The following MEIS2 variants were observed in gnomAD, a reference collection of about 807,000 sequenced individuals.
The protein encoded by MEIS2 is Meis homeobox 2, also known as homeobox protein Meis2.
In MEIS2, 9 loss-of-function variants were observed where a neutral mutation model predicts 58.6. That is an observed-to-expected ratio of 0.15 (90% CI 0.09 to 0.27). The LOEUF (loss-of-function observed/expected upper bound fraction) is 0.27, where lower values mean the gene tolerates loss of function less well. Ranked by LOEUF, MEIS2 falls within the 10% of genes least tolerant of loss-of-function variation. MEIS2 has a pLI of 1.00. For missense variants in MEIS2, 427 were observed against 635.0 expected, an observed-to-expected ratio of 0.67 and a Z score of 3.52; for synonymous variants, 221 against 228.4, an observed-to-expected ratio of 0.97 and a Z score of 0.29.
At chr15:37,037,405 G>A (rs936629444) in intron 7 of MEIS2, among the ~76,000 whole-genome samples, 1 of 152,048 alleles carries the variant, frequency 6.6e-6, no homozygotes, top group Non-Finnish European at 1.5e-5. Context: ...TGCACATAAC[G>A]CACTGCCTGC....
intron 7 of MEIS2, among the ~76,000 whole-genome samples, chr15:37,056,848 CCG>C (rs1888496262): frequency 6.6e-6 from 1 of 152,226 alleles, no homozygotes; most frequent in South Asian, 2.1e-4. Context: ...CGAACCGCTC[CCG>C]CGGCAGCTTC....
rs557227751 is a variant in MEIS2, at chr15:36,900,177, A to C, written c.978-3491T>G. Among the ~76,000 whole-genome samples the C allele has an allele frequency of 2.0e-5, 3 of 152,244 alleles. No homozygotes were observed. In the East Asian group the frequency reaches 5.8e-4, roughly 29 times the overall value. The stretch of plus-strand genomic sequence containing the variant: ...TCTTCTTCAATATTAAACAGTTCTT[A>C]AAAAACATTCTGAGTTTTTTTACAA... On this transcript the variant is annotated intron_variant, in intron 9 of 11. Transcript: ENST00000561208.
At chr15:36,930,297 G>A (rs2057924596) in intron 9 of MEIS2, among the ~76,000 whole-genome samples, 1 of 151,182 alleles carries the variant, frequency 6.6e-6, no homozygotes. Flanking sequence ...CACAAGGAAT[G>A]GTTATATAAA....
chr15:37,069,218 ACAT>A lies in MEIS2; in HGVS notation c.754+14550_754+14552del, dbSNP rs373953386. On this transcript the variant is annotated intron_variant, in intron 7 of 11. Coordinates refer to ENST00000561208, the MANE Select transcript of MEIS2 (RefSeq NM_170675.5). ...GGATATGTAGTGCATGTGTGTAGAA[ACAT>A]CAGTCTGGTTGGATAAAGAAGAGAA... Among the ~76,000 whole-genome samples the A allele has an allele frequency of 1.6e-4, 25 of 152,264 alleles. No homozygotes were observed. The South Asian group carries it at 5.2e-3, about 32-fold the overall frequency.
intron 9 of MEIS2, among the ~76,000 whole-genome samples, chr15:36,919,331 C>A (rs961448425): frequency 6.6e-6 from 1 of 152,142 alleles, no homozygotes; most frequent in Non-Finnish European, 1.5e-5. Flanking sequence ...GTAACCCCAG[C>A]ACTTTGGGAG....
chr15:37,007,007 C>T lies in MEIS2; in HGVS notation c.900+29807G>A, dbSNP rs565386839. Among the ~76,000 whole-genome samples the T allele has an allele frequency of 3.3e-5, 5 of 152,224 alleles. No individual in the cohort carries two copies. The South Asian group carries it at 1.0e-3, about 32-fold the overall frequency. The stretch of plus-strand genomic sequence containing the variant: ...CTTTTACTAGCTGAGTAAGTCTAGA[C>T]GAATATATTTAATCTCTCTGGGCAT... On this transcript the variant is annotated intron_variant, in intron 8 of 11. Transcript: ENST00000561208.
chr15:37,021,742 T>C (rs1402965622), intron 8 of MEIS2, among the ~76,000 whole-genome samples: 4 of 152,176 alleles, frequency 2.6e-5, no homozygotes, highest in Admixed American at 1.3e-4. Context: ...GTATTATCAA[T>C]GCAATACACA....
At chr15:37,029,545 T>C (rs528685892) in intron 8 of MEIS2, among the ~76,000 whole-genome samples, 2 of 152,164 alleles carry the variant, frequency 1.3e-5, no homozygotes, top group South Asian at 4.1e-4. Context: ...TTTGTGGAAA[T>C]GGACAAGTGG....
intron 7 of MEIS2, among the ~76,000 whole-genome samples, chr15:37,078,614 A>G (rs1891764951): frequency 6.7e-6 from 1 of 148,510 alleles, no homozygotes; most frequent in African/African-American, 2.4e-5. Flanking sequence ...CCAAAAAAAA[A>G]AAAAAAAAAA....
chr15:37,016,341 T>A (rs574265367), intron 8 of MEIS2, among the ~76,000 whole-genome samples: 287 of 152,242 alleles, frequency 1.9e-3, no homozygotes, highest in African/African-American at 6.6e-3. Context: ...GTGTTTTTTT[T>A]TTTTAACTCT....
intron 7 of MEIS2, among the ~76,000 whole-genome samples, chr15:37,067,561 T>C (rs566192252): frequency 6.6e-6 from 1 of 150,606 alleles, no homozygotes; most frequent in Non-Finnish European, 1.5e-5. Context: ...GCTCACTTTC[T>C]TCTGGTCTTT....
chr15:36,981,401 T>G (rs2059924212), intron 8 of MEIS2, among the ~76,000 whole-genome samples: 1 of 152,140 alleles, frequency 6.6e-6, no homozygotes, highest in African/African-American at 2.4e-5. Flanking sequence ...TACTTACACT[T>G]CCAATTTTAT....
chr15:37,024,454 T>A (rs192544025), intron 8 of MEIS2, among the ~76,000 whole-genome samples: 1 of 152,308 alleles, frequency 6.6e-6, no homozygotes, highest in Admixed American at 6.5e-5. Flanking sequence ...CAAACTATAG[T>A]GCCACCATTT....
At chr15:36,963,135 G>A (rs187170039) in intron 8 of MEIS2, among the ~76,000 whole-genome samples, 1 of 152,254 alleles carries the variant, frequency 6.6e-6, no homozygotes, top group East Asian at 1.9e-4. Flanking sequence ...AACACTTTGG[G>A]AGGCTGAGGT....
chr15:37,090,369 T>C (rs942758280), intron 6 of MEIS2, among the ~76,000 whole-genome samples: 1 of 152,094 alleles, frequency 6.6e-6, no homozygotes, highest in Non-Finnish European at 1.5e-5. Flanking sequence ...CCTCACTGAA[T>C]GTAAGGAATG....
chr15:37,039,234 G>C (rs933334681), intron 7 of MEIS2, among the ~76,000 whole-genome samples: 11 of 152,176 alleles, frequency 7.2e-5, no homozygotes, highest in Non-Finnish European at 1.6e-4. Context: ...ATCTATGTAG[G>C]CTATCTGAAT....
chr15:36,933,303 G>T (rs535452012), intron 9 of MEIS2, among the ~76,000 whole-genome samples: 1 of 152,240 alleles, frequency 6.6e-6, no homozygotes, highest in East Asian at 1.9e-4. Context: ...AAAAATTAGA[G>T]GGTCTTCCCA....
chr15:37,004,270 A>C (rs2060838432), intron 8 of MEIS2, among the ~76,000 whole-genome samples: 1 of 152,212 alleles, frequency 6.6e-6, no homozygotes, highest in Non-Finnish European at 1.5e-5. Context: ...AGGATAACTA[A>C]GGGCTTTTCT....
At chr15:37,090,597 T>C (rs575830646) in intron 6 of MEIS2, among the ~76,000 whole-genome samples, 1 of 152,304 alleles carries the variant, frequency 6.6e-6, no homozygotes, top group East Asian at 1.9e-4. Context: ...TGGTACCTAA[T>C]ATTTTGCTTC....
Sources: allele counts gnomAD v4.1 joint callset (sites outside exome capture counted in the v4.1 genomes callset), GRCh38; gene constraint gnomAD v4.1.1; transcripts MANE v1.5; gene names NCBI Gene and HGNC (gene_info 2026-07-23, HGNC 2026-07-21).